Variants in BCL11A observed in about 807,000 individuals in gnomAD.
BCL11A encodes the protein BCL11 transcription factor A, also known as B cell CLL/lymphoma 11A.
Under a neutral mutation model 55.9 loss-of-function variants are expected in BCL11A, and 2 were observed. That is an observed-to-expected ratio of 0.04 (90% confidence interval 0.01 to 0.11). The LOEUF is 0.11. Among genes scored for constraint, BCL11A ranks in the 10% least tolerant of loss-of-function variants. The pLI is 1.00. For missense variants in BCL11A, 817 were observed against 1,137.1 expected (o/e 0.72, Z 4.05); for synonymous variants, 465 against 473.4 (o/e 0.98, Z 0.23).
Position 60,457,383 on chromosome 2 carries a change from A to G in BCL11A, c.*3021T>C. 9.8e-7 allele frequency: 1 copy of G among 1,024,868 alleles called. No homozygotes were observed. The highest frequency in any genetic ancestry group is 1.2e-6 in the Non-Finnish European group (1 of 851,408). The allele number at this position is 1,024,868 out of a possible 1,614,324, so 63.5% of individuals were successfully genotyped here. ...CATCTAAATAAAAAAAAAAATAAAA[A>G]CAAAGAAAAATAAAAGATCAAATTA... is the stretch of plus-strand genomic sequence containing the variant. On this transcript the variant is annotated 3_prime_UTR_variant, in exon 4 of 4. Transcript: ENST00000642384.
intron 1 of BCL11A, among the ~76,000 whole-genome samples, chr2:60,551,474 G>A (rs1263098305): frequency 6.6e-6 from 1 of 152,242 alleles, no homozygotes; most frequent in African/African-American, 2.4e-5. Context: ...GGGGACTGGT[G>A]ACCAGACCGG....
intron 2 of BCL11A, among the ~76,000 whole-genome samples, chr2:60,475,724 T>C (rs1192166855): frequency 6.6e-6 from 1 of 151,922 alleles, no homozygotes; most frequent in Admixed American, 6.6e-5. Context: ...TTGTGTGTAG[T>C]GGGGGCAGGG....
intron 2 of BCL11A, among the ~76,000 whole-genome samples, chr2:60,531,420 C>A (rs1168401474): frequency 6.6e-6 from 1 of 152,198 alleles, no homozygotes; most frequent in South Asian, 2.1e-4. Flanking sequence ...CAATTAAATG[C>A]AAGCACACTT....
chr2:60,516,848 G>T (rs1180228761), intron 2 of BCL11A, among the ~76,000 whole-genome samples: 1 of 152,234 alleles, frequency 6.6e-6, no homozygotes, highest in African/African-American at 2.4e-5. Context: ...ATTGGACTCT[G>T]TAGTTATCAG....
At chr2:60,510,279 T>TCTC (rs1039228840) in intron 2 of BCL11A, among the ~76,000 whole-genome samples, 2 of 151,980 alleles carry the variant, frequency 1.3e-5, no homozygotes, top group African/African-American at 4.8e-5. Context: ...GCTGGTCTCC[T>TCTC]CTCCTCCTCC....
At chr2:60,527,405 G>C (rs889979725) in intron 2 of BCL11A, 1 of 152,280 alleles carries the variant, frequency 6.6e-6, no homozygotes, top group African/African-American at 2.4e-5. Context: ...TTGACCCAAG[G>C]GTATGTAGAG....
chr2:60,467,347 A>C (rs1436019456), intron 3 of BCL11A, among the ~76,000 whole-genome samples: 18 of 14,120 alleles, frequency 1.3e-3, no homozygotes, highest in Admixed American at 1.8e-3. Flanking sequence ...TGGTGGTGGT[A>C]ATGGTGGTGG....
intron 2 of BCL11A, among the ~76,000 whole-genome samples, chr2:60,498,837 T>A (rs1300301150): frequency 6.6e-6 from 1 of 152,140 alleles, no homozygotes; most frequent in Non-Finnish European, 1.5e-5. Flanking sequence ...TGTACTAATA[T>A]GTATGTACCT....
At chr2:60,479,838 C>A (rs191220229) in intron 2 of BCL11A, among the ~76,000 whole-genome samples, 251 of 152,306 alleles carry the variant, frequency 1.6e-3, no homozygotes, top group African/African-American at 5.5e-3. Flanking sequence ...GGGACAGGTT[C>A]TTTTGATTTT....
At chr2:60,548,898 T>C (rs1356435475) in intron 1 of BCL11A, among the ~76,000 whole-genome samples, 1 of 152,226 alleles carries the variant, frequency 6.6e-6, no homozygotes, top group East Asian at 1.9e-4. Context: ...ACATTTCCTT[T>C]CTGGGCATCT....
chr2:60,521,067 G>GCACACACA lies in BCL11A; in HGVS notation c.385+24896_385+24903dup, dbSNP rs58564312. The stretch of plus-strand genomic sequence containing the variant: ...AAAAGGAAGTGTAGCCTAGTGGTCA[G>GCACACACA]CACACACACACACACACACACACAC... On this transcript the variant is annotated intron_variant, in intron 2 of 3. Transcript: ENST00000642384. 1.0e-2 allele frequency among the ~76,000 whole-genome samples: 1,177 copies of GCACACACA among 117,734 alleles called. 18 individuals carry two copies. Among genetic ancestry groups the GCACACACA allele is most frequent in the African/African-American group, 0.03 (1,093 of 35,844 alleles). 77.2% of individuals were successfully genotyped at this position (117,734 alleles called of 152,430 possible). A position where few individuals can be genotyped will look rare whatever the true frequency, so the allele number is the denominator to read the frequency against.
At position 60,461,834 on chromosome 2, in the gene BCL11A, G is replaced by T; in HGVS notation, c.1078C>A (p.Leu360Ile). The change falls in exon 4 of 4, where the codon CTC becomes ATC. Residue 360 changes from leucine to isoleucine, a missense_variant. Transcript: ENST00000642384. ...SKPPFLATPP[L>I]PPLQSAPPPS... is the part of the protein sequence containing the mutation. ...GGAGGGGCGGATTGCAGAGGAGGGA[G>T]GGGGGGCGTCGCCAGGAAGGGCGGC... 1.9e-6 allele frequency: 3 copies of T among 1,611,948 alleles called. No individual in the cohort carries two copies. The highest frequency in any genetic ancestry group is 1.7e-6 in the Non-Finnish European group (2 of 1,178,294).
chr2:60,500,030 C>T (rs890891500), intron 2 of BCL11A: 3 of 152,664 alleles, frequency 2.0e-5, no homozygotes, highest in Non-Finnish European at 2.9e-5. Flanking sequence ...GTGTTTGTCT[C>T]CTGTCTGCTC....
intron 2 of BCL11A, chr2:60,522,283 CA>C (rs1186480944): frequency 1.3e-5 from 2 of 152,230 alleles, no homozygotes. Flanking sequence ...GACGTCATAT[CA>C]TTTCATCAGT....
At chr2:60,496,895 T>A (rs550266432) in intron 2 of BCL11A, among the ~76,000 whole-genome samples, 14 of 152,322 alleles carry the variant, frequency 9.2e-5, no homozygotes, top group African/African-American at 3.4e-4. Flanking sequence ...AAACTGAATT[T>A]TTGTAAAGCA....
intron 3 of BCL11A, among the ~76,000 whole-genome samples, chr2:60,465,230 CT>C (rs1175065359): frequency 5.3e-5 from 8 of 152,188 alleles, no homozygotes; most frequent in African/African-American, 1.9e-4. Flanking sequence ...TGTGAAATTA[CT>C]TTGTTCATAA....
Position 60,460,627 on chromosome 2 carries a change from C to T in BCL11A, c.2285G>A (p.Arg762Lys). Residue 762 changes from arginine (R) to lysine (K), a missense_variant, in exon 4 of 4, where the codon AGA becomes AAA. Coordinates refer to ENST00000642384, the MANE Select transcript of BCL11A (RefSeq NM_022893.4). ...KNCSNLTVHRRSHTGERPYKC... is the reference protein window; with the variant it reads ...KNCSNLTVHRKSHTGERPYKC... ...ATAAGGCCTTTCGCCCGTGTGGCTT[C>T]TCCTGTGGACAGTGAGATTGCTACA... 6.2e-7 allele frequency: 1 copy of T among 1,614,178 alleles called. No homozygotes were observed. Among genetic ancestry groups the T allele is most frequent in the Non-Finnish European group, 8.5e-7 (1 of 1,180,042 alleles).
At position 60,553,501 on chromosome 2, in the gene BCL11A, A is replaced by AG. The variant is rs1670509098; in HGVS notation, c.-232_-231insC. 3.0e-6 allele frequency: 1 copy of AG among 329,680 alleles called. No homozygotes were observed. Among genetic ancestry groups the AG allele is most frequent in the South Asian group, 4.6e-5 (1 of 21,828 alleles). 20.4% of individuals were successfully genotyped at this position (329,680 alleles called of 1,614,324 possible). A position where few individuals can be genotyped will look rare whatever the true frequency, so the allele number is the denominator to read the frequency against. On this transcript the variant is annotated 5_prime_UTR_variant, in exon 1 of 4. Coordinates refer to ENST00000642384, the MANE Select transcript of BCL11A (RefSeq NM_022893.4). ...TTTAAGCAAAAAAAAAAAAAAAAAAAAAAAAAAAAAGAGGGAGAGAGAGAG... is the reference window on the plus strand; with the variant it reads ...TTTAAGCAAAAAAAAAAAAAAAAAAAGAAAAAAAAAAGAGGGAGAGAGAGAG...
intron 2 of BCL11A, among the ~76,000 whole-genome samples, chr2:60,539,251 G>A (rs968716026): frequency 3.9e-5 from 6 of 152,158 alleles, no homozygotes; most frequent in African/African-American, 7.2e-5. Context: ...ATTTACATGC[G>A]CCCATCTGAG....
Sources: gnomAD v4.1 joint callset for allele counts (sites outside exome capture counted in the v4.1 genomes callset) on GRCh38, gnomAD v4.1.1 for gene constraint, MANE v1.5 for transcripts, NCBI Gene and HGNC (gene_info 2026-07-23, HGNC 2026-07-21) for gene names.